The following CAMK2B variants were observed in gnomAD, a reference collection of about 807,000 sequenced individuals.
The protein encoded by CAMK2B is calcium/calmodulin dependent protein kinase II beta.
Under a neutral mutation model 93.7 loss-of-function variants are expected in CAMK2B, and 27 were observed. The observed-to-expected ratio is 0.29, with a 90% CI of 0.21 to 0.40. CAMK2B has a LOEUF of 0.40. Among genes scored for constraint, CAMK2B ranks in the 10% least tolerant of loss-of-function variants. The pLI, the probability that CAMK2B is intolerant of heterozygous loss-of-function variation, is 1.00. For synonymous variants in CAMK2B, 374 were observed against 358.8 expected (o/e 1.04, Z -0.48); for missense variants, 568 against 895.8 (o/e 0.63, Z 4.67).
At chr7:44,242,105 G>A in intron 10 of CAMK2B, 113 bp downstream of exon 10, 3 of 1,305,158 alleles carry the variant, frequency 2.3e-6, no homozygotes, top group South Asian at 1.4e-5. Context: ...GGGACCCAAG[G>A]GAGCTCTTGG....
At chr7:44,310,871 A>C (rs1003859373) in intron 1 of CAMK2B, among the ~76,000 whole-genome samples, 2 of 152,188 alleles carry the variant, frequency 1.3e-5, no homozygotes, top group African/African-American at 4.8e-5. Context: ...TGATGGTAAC[A>C]GTTGCACAAC....
At chr7:44,230,509 G>A (rs868471919) in intron 17 of CAMK2B, among the ~76,000 whole-genome samples, 6 of 152,168 alleles carry the variant, frequency 3.9e-5, no homozygotes, top group African/African-American at 1.4e-4. Flanking sequence ...ATTGGCCTGG[G>A]TGAGCAAGGG....
intron 2 of CAMK2B, among the ~76,000 whole-genome samples, chr7:44,263,430 C>A (rs12702072): frequency 6.6e-6 from 1 of 151,970 alleles, no homozygotes; most frequent in Non-Finnish European, 1.5e-5. Flanking sequence ...TTTGTTCTTC[C>A]GAGGCAGGGG....
chr7:44,239,858 T>G (rs1483129939), intron 12 of CAMK2B, among the ~76,000 whole-genome samples, 195 bp from the exon 13 acceptor site: 1 of 152,136 alleles, frequency 6.6e-6, no homozygotes, highest in Non-Finnish European at 1.5e-5. Flanking sequence ...GGAAAAGCAT[T>G]TGCCTCCTTT....
intron 1 of CAMK2B, among the ~76,000 whole-genome samples, chr7:44,310,543 A>G (rs940765972): frequency 1.3e-5 from 2 of 152,254 alleles, no homozygotes; most frequent in African/African-American, 4.8e-5. Flanking sequence ...TAGCAGCATT[A>G]TTCACAACAG....
At chr7:44,319,228 G>A (rs1795488930) in intron 1 of CAMK2B, among the ~76,000 whole-genome samples, 3 of 152,116 alleles carry the variant, frequency 2.0e-5, no homozygotes, top group South Asian at 4.1e-4. Flanking sequence ...CTCCAGAAAG[G>A]CCACATCTCT....
chr7:44,223,892 A>T (rs1340046462), intron 20 of CAMK2B, among the ~76,000 whole-genome samples: 5 of 151,886 alleles, frequency 3.3e-5, no homozygotes, highest in Non-Finnish European at 7.4e-5. Flanking sequence ...TGCCCCTCCC[A>T]CTCCACAGGG....
rs2096592059 is a variant in CAMK2B at position 44,232,836 on chromosome 7, C to T, written c.1162G>A (p.Val388Met). The change falls in exon 16 of 24, where the codon GTG (valine) becomes ATG (methionine). Residue 388 changes from valine (V) to methionine (M), a missense_variant. Val to Met is a conservative substitution (Grantham distance 21). Coordinates refer to ENST00000395749, the MANE Select transcript of CAMK2B (RefSeq NM_001220.5). ...EPQTTVIHNP[V>M]DGIKESSDSA... ...TGGGGCAGTACCTTAATCCCGTCCA[C>T]TGGGTTATGGATGACGGTGGTTTGA... 1 of 1,614,044 alleles carries T rather than the reference C, an allele frequency of 6.2e-7. No homozygotes were observed. Among genetic ancestry groups the T allele is most frequent in the Non-Finnish European group, 8.5e-7 (1 of 1,179,958 alleles).
chr7:44,318,143 A>G (rs1584946475), intron 1 of CAMK2B, among the ~76,000 whole-genome samples: 1 of 152,206 alleles, frequency 6.6e-6, no homozygotes, highest in Admixed American at 6.5e-5. Flanking sequence ...AAACTCACAG[A>G]CGCTGAGAAT....
intron 2 of CAMK2B, among the ~76,000 whole-genome samples, chr7:44,264,759 G>A (rs1395077471): frequency 1.3e-5 from 2 of 152,230 alleles, no homozygotes; most frequent in African/African-American, 4.8e-5. Context: ...GAGGTGCCAG[G>A]AGCCTCAGGG....
intron 4 of CAMK2B, 82 bp from the exon 5 acceptor site, chr7:44,254,689 C>CCAT (rs926422587): frequency 2.3e-6 from 2 of 870,586 alleles, no homozygotes; most frequent in African/African-American, 1.7e-5. Flanking sequence ...ACCACCACCA[C>CCAT]CATCACCACT....
intron 2 of CAMK2B, among the ~76,000 whole-genome samples, chr7:44,270,628 T>A (rs1475770417): frequency 6.6e-6 from 1 of 152,222 alleles, no homozygotes. Flanking sequence ...CAAATCCCAC[T>A]CGGGGGCCTC....
chr7:44,300,109 G>A (rs111488030), intron 1 of CAMK2B, among the ~76,000 whole-genome samples: 10,061 of 151,460 alleles, frequency 0.066, 511 homozygotes, highest in African/African-American at 0.14. Flanking sequence ...CTGGAATGCA[G>A]TAGCACAATC....
chr7:44,322,342 G>A (rs28520647), intron 1 of CAMK2B, among the ~76,000 whole-genome samples: 32,391 of 152,168 alleles, frequency 0.21, 4,075 homozygotes, highest in South Asian at 0.29. Context: ...TACAAAAGCA[G>A]TAGTTGGAAG....
rs1387200972 is a variant in CAMK2B at position 44,220,844 on chromosome 7, C to G, written c.1655G>C (p.Gly552Ala). The G allele has an allele frequency of 6.4e-7, 1 of 1,570,954 alleles. No homozygotes were observed. Among genetic ancestry groups the G allele is most frequent in the East Asian group, 2.3e-5 (1 of 42,668 alleles). ...TEQLIEAVNN[G>A]DFEAYAKICD... ...GACTCACGCGTAGGCCTCAAAGTCA[C>G]CGTTGTTGACGGCCTCGATGAGCTG... The change falls in exon 21 of 24, where the codon GGT becomes GCT. Residue 552 changes from glycine (G) to alanine (A), a missense_variant. Transcript: ENST00000395749.
intron 1 of CAMK2B, among the ~76,000 whole-genome samples, chr7:44,299,987 T>C (rs1185469674): frequency 6.6e-6 from 1 of 151,050 alleles, no homozygotes; most frequent in East Asian, 1.9e-4. Flanking sequence ...CTGGAGTAAC[T>C]ATATGTATAT....
chr7:44,221,069 G>T, intron 20 of CAMK2B, 168 bp from the exon 21 acceptor site: 1 of 590,050 alleles, frequency 1.7e-6, no homozygotes. Flanking sequence ...ATCACCAGTG[G>T]CTTCCTCATT....
intron 11 of CAMK2B, 64 bp from the exon 12 acceptor site, chr7:44,240,813 G>A: frequency 6.5e-7 from 1 of 1,545,554 alleles, no homozygotes; most frequent in Non-Finnish European, 8.9e-7. Context: ...CTTCTGGCCA[G>A]GATAAGACCC....
At chr7:44,226,463 G>T in intron 20 of CAMK2B, 53 bp downstream of exon 20, 1 of 1,324,346 alleles carries the variant, frequency 7.6e-7, no homozygotes, top group Non-Finnish European at 9.7e-7. Context: ...AGGCTCGCAC[G>T]CCCCGAGCCC....
Sources: allele counts gnomAD v4.1 joint callset (sites outside exome capture counted in the v4.1 genomes callset), GRCh38; gene constraint gnomAD v4.1.1; transcripts MANE v1.5; gene names NCBI Gene and HGNC (gene_info 2026-07-23, HGNC 2026-07-21).